Variants in OSBPL6 observed in about 807,000 individuals in gnomAD.
The protein encoded by OSBPL6 is oxysterol-binding protein-related protein 6.
In OSBPL6, 49 loss-of-function variants were observed where a neutral mutation model predicts 125.8. The observed-to-expected ratio is 0.39, with a 90% confidence interval of 0.31 to 0.49. The LOEUF (loss-of-function observed/expected upper bound fraction) is 0.49. Among genes scored for constraint, OSBPL6 ranks in the 20% least tolerant of loss-of-function variants. The pLI is 0.88. For missense variants in OSBPL6, 986 were observed against 1,135.4 expected (o/e 0.87, Z 1.89); for synonymous variants, 394 against 391.8 (o/e 1.01, Z -0.07).
intron 1 of OSBPL6, among the ~76,000 whole-genome samples, chr2:178,270,461 A>T (rs953515172): frequency 4.6e-5 from 7 of 152,192 alleles, no homozygotes; most frequent in African/African-American, 1.4e-4. Context: ...CAGATAGGGA[A>T]ACCAAGGAAC....
At chr2:178,388,484 C>A (rs553241612) in intron 20 of OSBPL6, among the ~76,000 whole-genome samples, 1 of 152,140 alleles carries the variant, frequency 6.6e-6, no homozygotes, top group South Asian at 2.1e-4. Context: ...TCCTGCCACC[C>A]GCACTCACCT....
At chr2:178,390,816 AG>A (rs1391042688) in intron 21 of OSBPL6, among the ~76,000 whole-genome samples, 15 of 152,248 alleles carry the variant, frequency 9.9e-5, no homozygotes. Flanking sequence ...AATTAATATT[AG>A]GTTCTTGGGA....
intron 5 of OSBPL6, among the ~76,000 whole-genome samples, chr2:178,330,420 A>C (rs1014372595): frequency 6.6e-6 from 1 of 152,146 alleles, no homozygotes; most frequent in African/African-American, 2.4e-5. Context: ...TACAACCACC[A>C]TGTGTTTATT....
intron 1 of OSBPL6, among the ~76,000 whole-genome samples, chr2:178,223,725 C>T (rs1169376569): frequency 6.6e-6 from 1 of 152,184 alleles, no homozygotes. Flanking sequence ...TTAGCACACT[C>T]ACCTATTGTT....
chr2:178,243,279 T>C (rs919563378), intron 1 of OSBPL6, among the ~76,000 whole-genome samples: 1 of 152,218 alleles, frequency 6.6e-6, no homozygotes, highest in Non-Finnish European at 1.5e-5. Flanking sequence ...CAGTTTTAGT[T>C]CTCAAGAGTG....
At chr2:178,235,200 C>T (rs544371258) in intron 1 of OSBPL6, among the ~76,000 whole-genome samples, 1 of 152,048 alleles carries the variant, frequency 6.6e-6, no homozygotes, top group Non-Finnish European at 1.5e-5. Context: ...GTCAAAGAGG[C>T]AAGACATTGG....
At chr2:178,318,325 C>T (rs1687946303) in intron 3 of OSBPL6, among the ~76,000 whole-genome samples, 1 of 152,168 alleles carries the variant, frequency 6.6e-6, no homozygotes, top group African/African-American at 2.4e-5. Context: ...GCTTTTCTCC[C>T]TTCAGAATTT....
intron 2 of OSBPL6, among the ~76,000 whole-genome samples, chr2:178,286,020 A>G (rs1453735983): frequency 2.6e-5 from 4 of 152,216 alleles, no homozygotes; most frequent in African/African-American, 9.6e-5. Flanking sequence ...AATCATTGTT[A>G]TATTAGAAGC....
At chr2:178,268,542 T>C (rs1057259331) in intron 1 of OSBPL6, among the ~76,000 whole-genome samples, 1 of 152,208 alleles carries the variant, frequency 6.6e-6, no homozygotes. Flanking sequence ...ACTTCTTCAG[T>C]CCATACTCCC....
At chr2:178,242,396 C>A (rs1054316277) in intron 1 of OSBPL6, among the ~76,000 whole-genome samples, 8 of 152,204 alleles carry the variant, frequency 5.3e-5, no homozygotes, top group Non-Finnish European at 7.4e-5. Context: ...ATTCCCACAT[C>A]TCTCTTGGCT....
At chr2:178,361,906 G>C in intron 13 of OSBPL6, 91 bp downstream of exon 13, 1 of 1,500,824 alleles carries the variant, frequency 6.7e-7, no homozygotes, top group Non-Finnish European at 9.1e-7. Flanking sequence ...CAGGGAGGTG[G>C]CTAGTCATGG....
At chr2:178,224,124 T>A (rs1171380324) in intron 1 of OSBPL6, among the ~76,000 whole-genome samples, 6 of 151,432 alleles carry the variant, frequency 4.0e-5, no homozygotes, top group Non-Finnish European at 8.8e-5. Context: ...TGGGGGGAAG[T>A]GAGGGGATGC....
At chr2:178,377,096 T>G (rs1224709228) in intron 15 of OSBPL6, among the ~76,000 whole-genome samples, 1 of 152,120 alleles carries the variant, frequency 6.6e-6, no homozygotes, top group Non-Finnish European at 1.5e-5. Flanking sequence ...TATAAGAGAG[T>G]TCTCACATTG....
chr2:178,332,228 G>A (rs1037076196), intron 6 of OSBPL6, among the ~76,000 whole-genome samples: 1 of 152,136 alleles, frequency 6.6e-6, no homozygotes, highest in Non-Finnish European at 1.5e-5. Context: ...TTGCTTTCTG[G>A]TCCCAGCTGC....
At chr2:178,226,083 G>A (rs930299255) in intron 1 of OSBPL6, among the ~76,000 whole-genome samples, 1 of 152,212 alleles carries the variant, frequency 6.6e-6, no homozygotes, top group African/African-American at 2.4e-5. Context: ...AGCAGCAAGG[G>A]AGGAAGCTGT....
At chr2:178,237,241 T>G (rs2091090734) in intron 1 of OSBPL6, among the ~76,000 whole-genome samples, 1 of 152,194 alleles carries the variant, frequency 6.6e-6, no homozygotes, top group Admixed American at 6.6e-5. Context: ...TCCAAGTGTT[T>G]TCCTCGCCAA....
chr2:178,248,212 A>C (rs530710766), intron 1 of OSBPL6, among the ~76,000 whole-genome samples: 5 of 152,374 alleles, frequency 3.3e-5, no homozygotes, highest in Admixed American at 2.6e-4. Flanking sequence ...GAGAAAGTTT[A>C]GTCCCATCTT....
intron 12 of OSBPL6, among the ~76,000 whole-genome samples, 178 bp downstream of exon 12, chr2:178,349,567 A>G (rs1161985875): frequency 2.0e-5 from 3 of 152,224 alleles, no homozygotes; most frequent in African/African-American, 7.2e-5. Flanking sequence ...TTGGAAGATC[A>G]CACATCACAG....
At chr2:178,232,468 A>G (rs1460929306) in intron 1 of OSBPL6, among the ~76,000 whole-genome samples, 2 of 152,190 alleles carry the variant, frequency 1.3e-5, no homozygotes, top group East Asian at 1.9e-4. Context: ...TGGATAAGCT[A>G]TTGAACCTAT....
Sources: gnomAD v4.1 joint callset for allele counts (sites outside exome capture counted in the v4.1 genomes callset) on GRCh38, gnomAD v4.1.1 for gene constraint, MANE v1.5 for transcripts, NCBI Gene and HGNC (gene_info 2026-07-23, HGNC 2026-07-21) for gene names.